Variants in SH3RF1 observed in about 807,000 individuals in gnomAD.
SH3RF1 encodes E3 ubiquitin-protein ligase SH3RF1.
SH3RF1 carries 32 observed loss-of-function variants against 74.0 expected under a neutral mutation model. The ratio of observed to expected loss-of-function variants is 0.43; its 90% CI spans 0.33 to 0.58. The LOEUF (loss-of-function observed/expected upper bound fraction) is 0.58, where lower values mean the gene tolerates loss of function less well. Among genes scored for constraint, SH3RF1 ranks in the 20% least tolerant of loss-of-function variants. The pLI is 0.05. For synonymous variants in SH3RF1, 396 were observed against 439.6 expected (o/e 0.90, Z 1.24); for missense variants, 954 against 1,130.9 (o/e 0.84, Z 2.24).
In SH3RF1 at chr4:169,135,937, G is replaced by A. The variant is rs188250935; in HGVS notation, c.1068+381C>T. ...AGATACAAGCAACTACAAACGTCAC[G>A]AGTTTGGACCATGGCATCTTAAATC... On this transcript the variant is annotated intron_variant, in intron 5 of 11. Transcript: ENST00000284637. 2.7e-4 allele frequency among the ~76,000 whole-genome samples: 41 copies of A among 152,294 alleles called. No homozygotes were observed. The South Asian group carries it at 4.8e-3, about 18-fold the overall frequency.
intron 10 of SH3RF1, among the ~76,000 whole-genome samples, chr4:169,107,706 A>T (rs770005137): frequency 6.6e-6 from 1 of 152,220 alleles, no homozygotes; most frequent in Non-Finnish European, 1.5e-5. Flanking sequence ...TGTAAACCTG[A>T]CAGCACTCTA....
chr4:169,204,038 C>T (rs1579135829), intron 2 of SH3RF1: 1 of 152,308 alleles, frequency 6.6e-6, no homozygotes, highest in East Asian at 1.9e-4. Context: ...TACCAGTCGT[C>T]TCTCTTCACT....
chr4:169,170,882 A>C (rs13118066), intron 2 of SH3RF1, among the ~76,000 whole-genome samples: 11,840 of 152,284 alleles, frequency 0.078, 884 homozygotes, highest in African/African-American at 0.2. Context: ...ACAGCTCTAA[A>C]AAGATCTAAT....
At chr4:169,176,838 C>T (rs1734429168) in intron 2 of SH3RF1, among the ~76,000 whole-genome samples, 1 of 152,190 alleles carries the variant, frequency 6.6e-6, no homozygotes, top group African/African-American at 2.4e-5. Context: ...CTGTACCTGG[C>T]CAATTTATAT....
At chr4:169,172,109 T>C (rs1462087071) in intron 2 of SH3RF1, among the ~76,000 whole-genome samples, 2 of 152,236 alleles carry the variant, frequency 1.3e-5, no homozygotes, top group African/African-American at 4.8e-5. Context: ...ACTCTAAATT[T>C]TCCACTCTGA....
At chr4:169,201,505 G>T (rs764359190) in intron 2 of SH3RF1, among the ~76,000 whole-genome samples, 23 of 152,222 alleles carry the variant, frequency 1.5e-4, no homozygotes, top group Non-Finnish European at 2.9e-4. Flanking sequence ...ATTTAACACT[G>T]ATGTTTCAGG....
At chr4:169,181,642 T>C (rs1432577320) in intron 2 of SH3RF1, among the ~76,000 whole-genome samples, 6 of 152,314 alleles carry the variant, frequency 3.9e-5, no homozygotes, top group Admixed American at 2.0e-4. Context: ...ATGATGATGA[T>C]ACCTGAGTGT....
intron 2 of SH3RF1, among the ~76,000 whole-genome samples, chr4:169,254,706 G>A (rs1731158085): frequency 6.6e-6 from 1 of 152,156 alleles, no homozygotes; most frequent in Admixed American, 6.6e-5. Flanking sequence ...TAAAAACAAG[G>A]AGCAGGAGGG....
chr4:169,181,256 C>G (rs1391578602), intron 2 of SH3RF1, among the ~76,000 whole-genome samples: 1 of 140,698 alleles, frequency 7.1e-6, no homozygotes, highest in Non-Finnish European at 1.5e-5. Context: ...CTTGGGAAAG[C>G]CTTTTTTTTT....
At chr4:169,157,655 C>T (rs1734081757) in intron 2 of SH3RF1, among the ~76,000 whole-genome samples, 1 of 152,122 alleles carries the variant, frequency 6.6e-6, no homozygotes, top group African/African-American at 2.4e-5. Flanking sequence ...ATAATAATTC[C>T]CTGAACAAGA....
rs1357856856 is a variant in SH3RF1, at chr4:169,095,398, A to T, written c.*1121T>A. On this transcript the variant is annotated 3_prime_UTR_variant, in exon 12 of 12. Transcript: ENST00000284637. ...ATTGGTCAATTCTGAGTACAAACTC[A>T]TCTTAACAGGAAATCGCAATGAAAT... The T allele has an allele frequency of 6.6e-6, 1 of 152,644 alleles. No individual in the cohort carries two copies. The highest frequency in any genetic ancestry group is 6.5e-5 in the Admixed American group (1 of 15,286). 9.5% of individuals were successfully genotyped at this position (152,644 alleles called of 1,614,324 possible).
intron 2 of SH3RF1, among the ~76,000 whole-genome samples, chr4:169,268,538 G>C (rs1482118364): frequency 1.3e-5 from 2 of 151,910 alleles, no homozygotes; most frequent in African/African-American, 2.4e-5. Flanking sequence ...AACAAAAGCT[G>C]GTTTAGATTT....
intron 5 of SH3RF1, among the ~76,000 whole-genome samples, chr4:169,133,754 G>A (rs1384808344): frequency 6.6e-6 from 1 of 152,084 alleles, no homozygotes; most frequent in Non-Finnish European, 1.5e-5. Flanking sequence ...TAGCCTTGGT[G>A]ACAGAGTGAG....
intron 2 of SH3RF1, among the ~76,000 whole-genome samples, chr4:169,175,344 T>G (rs1391272311): frequency 6.6e-6 from 1 of 152,066 alleles, no homozygotes; most frequent in Non-Finnish European, 1.5e-5. Flanking sequence ...TTCCTGTGGC[T>G]CCCAAGGCTT....
At position 169,171,667 on chromosome 4, in the gene SH3RF1, C is replaced by T. The variant is rs139952820; in HGVS notation, c.394-14988G>A. ...AAATACTGATTATTTTTGAACACCC[C>T]AAATCTCAGAAACTTTATTACCTGT... On this transcript the variant is annotated intron_variant, in intron 2 of 11. Transcript: ENST00000284637. 2.4e-3 allele frequency among the ~76,000 whole-genome samples: 367 copies of T among 152,206 alleles called. 4 individuals are homozygous for T. The highest frequency in any genetic ancestry group is 8.5e-3 in the African/African-American group (354 of 41,516).
At chr4:169,121,092 G>A in intron 7 of SH3RF1, 103 bp from the exon 8 acceptor site, 1 of 908,734 alleles carries the variant, frequency 1.1e-6, no homozygotes, top group Non-Finnish European at 1.7e-6. Context: ...TTGTACAAAT[G>A]TAAACTGAAA....
At position 169,248,953 on chromosome 4, in the gene SH3RF1, C is replaced by A. The variant is rs536165888; in HGVS notation, c.393+19867G>T. ...CCTTTAAGAGGCAATTAGGGACGGG[C>A]CCAGTGGCTCACGCCTATAATCCCA... On this transcript the variant is annotated intron_variant, in intron 2 of 11. Coordinates refer to ENST00000284637, the MANE Select transcript of SH3RF1 (RefSeq NM_020870.4). Among the ~76,000 whole-genome samples the A allele has an allele frequency of 2.8e-4, 43 of 152,274 alleles. No individual in the cohort carries two copies. The South Asian group carries it at 8.9e-3, about 32-fold the overall frequency.
intron 2 of SH3RF1, among the ~76,000 whole-genome samples, chr4:169,206,847 G>T (rs1730272047): frequency 6.6e-6 from 1 of 152,196 alleles, no homozygotes; most frequent in African/African-American, 2.4e-5. Flanking sequence ...ATTATAAAAA[G>T]AAAGAGGCCA....
intron 5 of SH3RF1, among the ~76,000 whole-genome samples, chr4:169,135,751 C>T (rs759340812): frequency 5.9e-5 from 9 of 152,086 alleles, no homozygotes; most frequent in South Asian, 2.1e-4. Flanking sequence ...CTAAGAATAA[C>T]GCGTGGCTAT....
Sources: gnomAD v4.1 joint callset for allele counts (sites outside exome capture counted in the v4.1 genomes callset) on GRCh38, gnomAD v4.1.1 for gene constraint, MANE v1.5 for transcripts, NCBI Gene and HGNC (gene_info 2026-07-23, HGNC 2026-07-21) for gene names.